Variants in KLF7 observed in about 807,000 individuals in gnomAD.
The protein encoded by KLF7 is Krueppel-like factor 7.
In KLF7, 2 loss-of-function variants were observed where a neutral mutation model predicts 27.3. The observed-to-expected ratio is 0.07, with a 90% CI of 0.03 to 0.23. KLF7 has a LOEUF of 0.23. Among genes scored for constraint, KLF7 ranks in the 10% least tolerant of loss-of-function variants. KLF7 has a pLI of 1.00. For missense variants in KLF7, 221 were observed against 394.1 expected, an observed-to-expected ratio of 0.56 and a Z score of 3.72; for synonymous variants, 165 against 162.4, an observed-to-expected ratio of 1.02 and a Z score of -0.12.
At chr2:207,093,922 A>T (rs1259700012) in intron 2 of KLF7, among the ~76,000 whole-genome samples, 1 of 152,192 alleles carries the variant, frequency 6.6e-6, no homozygotes, top group Non-Finnish European at 1.5e-5. Flanking sequence ...ACCATTAAAT[A>T]TCACTTCTAC....
At chr2:207,171,415 A>G (rs943283441), upstream of KLF7, among the ~76,000 whole-genome samples, 2 of 152,226 alleles carry the variant, frequency 1.3e-5, no homozygotes, top group African/African-American at 2.4e-5. Flanking sequence ...TGATAAGGTA[A>G]TCACAGGGTT....
At chr2:207,113,912 G>A (rs1203298194) in intron 2 of KLF7, among the ~76,000 whole-genome samples, 1 of 152,032 alleles carries the variant, frequency 6.6e-6, no homozygotes, top group Non-Finnish European at 1.5e-5. Flanking sequence ...AAAATCTTCT[G>A]TAATGACAGT....
chr2:207,104,908 A>G (rs559445175), intron 2 of KLF7, among the ~76,000 whole-genome samples: 1 of 152,348 alleles, frequency 6.6e-6, no homozygotes, highest in South Asian at 2.1e-4. Flanking sequence ...TTAAAAAGGA[A>G]TAAGCAAAGG....
chr2:207,102,124 ATT>A (rs1491084444), intron 2 of KLF7, among the ~76,000 whole-genome samples: 7 of 95,426 alleles, frequency 7.3e-5, no homozygotes, highest in African/African-American at 1.6e-4. Context: ...CTACATTCAC[ATT>A]CACACACACA....
intron 2 of KLF7, among the ~76,000 whole-genome samples, chr2:207,102,125 T>TACACAC (rs1553522202): frequency 0.15 from 18,283 of 121,084 alleles, 1,187 homozygotes; most frequent in South Asian, 0.19. Context: ...TACATTCACA[T>TACACAC]TCACACACAC....
intron 3 of KLF7, among the ~76,000 whole-genome samples, chr2:207,082,658 G>C (rs948457880): frequency 6.6e-6 from 1 of 152,092 alleles, no homozygotes; most frequent in Non-Finnish European, 1.5e-5. Flanking sequence ...CTCTCCCCCT[G>C]GATCATTCGC....
intron 2 of KLF7, among the ~76,000 whole-genome samples, chr2:207,115,009 A>T (rs1247380851): frequency 6.6e-6 from 1 of 152,258 alleles, no homozygotes; most frequent in Non-Finnish European, 1.5e-5. Context: ...TTTTAAAGGC[A>T]GAAACAACAA....
upstream of KLF7, among the ~76,000 whole-genome samples, chr2:207,169,772 G>C (rs1484095020): frequency 3.3e-5 from 5 of 152,090 alleles, no homozygotes; most frequent in Non-Finnish European, 7.4e-5. Flanking sequence ...TCTGTGATCA[G>C]TTATTTCGGT....
rs200852970 is a variant in KLF7 at position 207,124,257 on chromosome 2, C to T, written c.250G>A (p.Val84Met). 2.2e-5 allele frequency: 36 copies of T among 1,614,006 alleles called. No homozygotes were observed. In the East Asian group the frequency reaches 4.0e-4, roughly 18 times the overall value. Residue 84 changes from valine (V) to methionine (M), a missense_variant, in exon 2 of 4, where the codon GTG (valine) becomes ATG (methionine). Physicochemically the swap from Val to Met is conservative, Grantham distance 21. Transcript: ENST00000309446. ...CTCTTCTCACAGATGGCCGCTTCCA[C>T]GGGGAGCAGCAGGGGGTCTAAGCGA... Reference protein sequence around the residue: ...FRRLDPLLLPVEAAICEKSSA... With the variant: ...FRRLDPLLLPMEAAICEKSSA...
chr2:207,128,704 T>A (rs973782762), intron 1 of KLF7, among the ~76,000 whole-genome samples: 1 of 152,246 alleles, frequency 6.6e-6, no homozygotes, highest in African/African-American at 2.4e-5. Flanking sequence ...AATATTATTC[T>A]ATGATATTTC....
intron 3 of KLF7, among the ~76,000 whole-genome samples, chr2:207,083,908 G>C (rs2076330312): frequency 6.6e-6 from 1 of 152,076 alleles, no homozygotes; most frequent in Non-Finnish European, 1.5e-5. Flanking sequence ...TCTAGAAGCT[G>C]GAAAAGGAAA....
intron 2 of KLF7, among the ~76,000 whole-genome samples, chr2:207,094,177 C>T (rs568543141): frequency 2.6e-5 from 4 of 152,272 alleles, no homozygotes; most frequent in South Asian, 2.1e-4. Flanking sequence ...AATATGAACA[C>T]GTGGCAGAAT....
At chr2:207,086,838 G>C (rs1195126856) in intron 3 of KLF7, among the ~76,000 whole-genome samples, 2 of 152,218 alleles carry the variant, frequency 1.3e-5, no homozygotes, top group African/African-American at 2.4e-5. Flanking sequence ...ACCCTTCAGA[G>C]CTGGGCAACT....
At chr2:207,163,513 A>T (rs2106150665) in intron 1 of KLF7, among the ~76,000 whole-genome samples, 1 of 152,332 alleles carries the variant, frequency 6.6e-6, no homozygotes, top group South Asian at 2.1e-4. Context: ...TTCTTTGCAG[A>T]TCTAGAGTTT....
intron 2 of KLF7, among the ~76,000 whole-genome samples, chr2:207,119,378 AAG>A (rs1393510791): frequency 7.2e-5 from 11 of 152,210 alleles, no homozygotes; most frequent in Non-Finnish European, 1.6e-4. Context: ...AGTAATTAAG[AAG>A]AAATGTAGAA....
intron 1 of KLF7, among the ~76,000 whole-genome samples, chr2:207,158,096 A>C (rs2078441144): frequency 6.6e-6 from 1 of 152,132 alleles, no homozygotes; most frequent in South Asian, 2.1e-4. Flanking sequence ...GGAGATGAAG[A>C]AGCCCTGAAC....
rs2076249130 is a variant in KLF7, at chr2:207,080,585, A to G, written c.*628T>C. 2.7e-6 allele frequency: 1 copy of G among 365,476 alleles called. No homozygotes were observed. The highest frequency in any genetic ancestry group is 4.6e-5 in the Admixed American group (1 of 21,692). The allele number at this position is 365,476 out of a possible 1,614,324, so 22.6% of individuals were successfully genotyped here. A position where few individuals can be genotyped will look rare whatever the true frequency, so the allele number is the denominator to read the frequency against. On this transcript the variant is annotated 3_prime_UTR_variant, in exon 4 of 4. Transcript: ENST00000309446. ...CGCGAAAGATCTCAATAGTACTAAG[A>G]ACCAAAACCAGTCAACAGTTCTGTG...
At chr2:207,091,286 G>C (rs1559113577) in intron 2 of KLF7, among the ~76,000 whole-genome samples, 1 of 152,146 alleles carries the variant, frequency 6.6e-6, no homozygotes, top group Non-Finnish European at 1.5e-5. Context: ...TCCAGAAAAT[G>C]ATAAGACTCT....
chr2:207,132,289 A>C (rs574638594), intron 1 of KLF7, among the ~76,000 whole-genome samples: 1 of 152,364 alleles, frequency 6.6e-6, no homozygotes, highest in African/African-American at 2.4e-5. Context: ...ACAAATGTTA[A>C]GACTGCATTG....
Sources: allele counts gnomAD v4.1 joint callset (sites outside exome capture counted in the v4.1 genomes callset), GRCh38; gene constraint gnomAD v4.1.1; transcripts MANE v1.5; gene names NCBI Gene and HGNC (gene_info 2026-07-23, HGNC 2026-07-21).